The following GABRG3 variants were observed in gnomAD, a reference collection of about 807,000 sequenced individuals.
GABRG3 encodes the protein gamma-aminobutyric acid receptor subunit gamma-3.
A neutral mutation model predicts 48.8 loss-of-function variants in GABRG3; 25 were observed. That is an observed-to-expected ratio of 0.51 (90% confidence interval 0.37 to 0.72). The LOEUF (loss-of-function observed/expected upper bound fraction) is 0.72, where lower values mean the gene tolerates loss of function less well. GABRG3 is among the 30% of genes least tolerant of loss of function. The pLI, the probability that GABRG3 is intolerant of heterozygous loss-of-function variation, is 0.00. For missense variants in GABRG3, 394 were observed against 577.9 expected, an observed-to-expected ratio of 0.68 and a Z score of 3.26; for synonymous variants, 227 against 217.6, an observed-to-expected ratio of 1.04 and a Z score of -0.38.
At chr15:27,272,553 T>C (rs1891125423) in intron 3 of GABRG3, among the ~76,000 whole-genome samples, 1 of 152,184 alleles carries the variant, frequency 6.6e-6, no homozygotes, top group South Asian at 2.1e-4. Flanking sequence ...AGTGTTTTTG[T>C]ATTTTTTTGA....
intron 2 of GABRG3, among the ~76,000 whole-genome samples, chr15:27,014,317 T>G (rs2140669440): frequency 6.6e-6 from 1 of 152,066 alleles, no homozygotes; most frequent in East Asian, 1.9e-4. Context: ...CAATTTGTAT[T>G]ATTTGCTTTC....
chr15:27,335,405 T>C (rs758294904), intron 5 of GABRG3, among the ~76,000 whole-genome samples: 2 of 152,256 alleles, frequency 1.3e-5, no homozygotes, highest in Non-Finnish European at 2.9e-5. Context: ...ACACTTGTTA[T>C]CTTTTCCCTT....
At chr15:27,470,538 T>A (rs955338569) in intron 5 of GABRG3, among the ~76,000 whole-genome samples, 44 of 151,964 alleles carry the variant, frequency 2.9e-4, no homozygotes, top group African/African-American at 8.9e-4. Context: ...TTTTTTTTTT[T>A]TTATTGGCTT....
At chr15:27,068,755 T>G (rs1273926849) in intron 3 of GABRG3, among the ~76,000 whole-genome samples, 3 of 152,182 alleles carry the variant, frequency 2.0e-5, no homozygotes, top group African/African-American at 7.2e-5. Flanking sequence ...GCAGTGCAGT[T>G]GCAAAGAGAA....
chr15:27,029,100 T>A (rs1438650236), intron 3 of GABRG3, among the ~76,000 whole-genome samples: 1 of 152,196 alleles, frequency 6.6e-6, no homozygotes, highest in East Asian at 1.9e-4. Flanking sequence ...TTCTATTAAC[T>A]CTCTCATTTG....
chr15:27,285,373 T>C (rs1891577787), intron 3 of GABRG3, among the ~76,000 whole-genome samples: 1 of 151,806 alleles, frequency 6.6e-6, no homozygotes, highest in South Asian at 2.1e-4. Flanking sequence ...GGACCAGCTC[T>C]CTGCCCAAGG....
At chr15:27,211,234 C>T (rs1378094) in intron 3 of GABRG3, among the ~76,000 whole-genome samples, 7,219 of 152,216 alleles carry the variant, frequency 0.047, 223 homozygotes, top group South Asian at 0.076. Context: ...CACTCTGTTG[C>T]TAGATCACAG....
intron 3 of GABRG3, among the ~76,000 whole-genome samples, chr15:27,247,895 C>T (rs892930046): frequency 2.6e-5 from 4 of 152,138 alleles, no homozygotes; most frequent in Non-Finnish European, 5.9e-5. Flanking sequence ...CCACTGGGTC[C>T]CTTTCACAAC....
chr15:27,138,417 C>CT (rs1898046610), intron 3 of GABRG3, among the ~76,000 whole-genome samples: 1 of 152,328 alleles, frequency 6.6e-6, no homozygotes, highest in Admixed American at 6.5e-5. Context: ...TCATCAAACT[C>CT]TGTTTTTCCT....
At chr15:27,436,390 G>A (rs1480979129) in intron 5 of GABRG3, among the ~76,000 whole-genome samples, 2 of 152,210 alleles carry the variant, frequency 1.3e-5, no homozygotes. Context: ...ATGAATTTTG[G>A]AGGGATGCAA....
chr15:27,323,173 T>C (rs373971607), intron 3 of GABRG3, among the ~76,000 whole-genome samples: 1 of 152,208 alleles, frequency 6.6e-6, no homozygotes, highest in East Asian at 1.9e-4. Flanking sequence ...AAAGGCTCAT[T>C]CAGAAATTGT....
rs570105475 is a variant in GABRG3, at chr15:27,350,591, C to T, written c.574+21703C>T. Among the ~76,000 whole-genome samples, 170 of 152,260 alleles carry T rather than the reference C, an allele frequency of 1.1e-3. 1 individual carries two copies. The highest frequency in any genetic ancestry group is 1.7e-3 in the East Asian group (9 of 5,154). On this transcript the variant is annotated intron_variant, in intron 5 of 9. Coordinates refer to ENST00000615808, the MANE Select transcript of GABRG3 (RefSeq NM_033223.5). ...GTGTGTGGAAACCCCCTCCTCTCTACGTCCAGGGAGTCTGGAGGGAGTCTG... is the reference window on the plus strand; with the variant it reads ...GTGTGTGGAAACCCCCTCCTCTCTATGTCCAGGGAGTCTGGAGGGAGTCTG...
chr15:27,175,785 TA>T (rs1329195238), intron 3 of GABRG3, among the ~76,000 whole-genome samples: 2 of 152,242 alleles, frequency 1.3e-5, no homozygotes, highest in African/African-American at 4.8e-5. Context: ...ACTTTTGTGC[TA>T]AGAATAATTT....
At position 27,256,376 on chromosome 15, in the gene GABRG3, G is replaced by A. The variant is rs559981938; in HGVS notation, c.271-70433G>A. 4.0e-5 allele frequency among the ~76,000 whole-genome samples: 6 copies of A among 151,334 alleles called. No individual in the cohort carries two copies. In the East Asian group the frequency reaches 1.2e-3, roughly 30 times the overall value. On this transcript the variant is annotated intron_variant, in intron 3 of 9. Coordinates refer to ENST00000615808, the MANE Select transcript of GABRG3 (RefSeq NM_033223.5). Reference sequence around the variant, plus strand: ...GAATGGCGTGAACCCGGGAGGCAGTGCTTGCAGTGAGCCGAGATGGCGCCA... The same window carrying A: ...GAATGGCGTGAACCCGGGAGGCAGTACTTGCAGTGAGCCGAGATGGCGCCA...
chr15:27,214,355 G>A (rs35770807), intron 3 of GABRG3, among the ~76,000 whole-genome samples: 46,189 of 152,154 alleles, frequency 0.3, 7,331 homozygotes, highest in East Asian at 0.4. Context: ...TGATGGCCGC[G>A]TCGGGTATGC....
At chr15:27,220,450 C>G (rs1158538544) in intron 3 of GABRG3, among the ~76,000 whole-genome samples, 1 of 152,058 alleles carries the variant, frequency 6.6e-6, no homozygotes, top group Non-Finnish European at 1.5e-5. Context: ...TATGCGGGGC[C>G]AGATTAGCAA....
intron 5 of GABRG3, among the ~76,000 whole-genome samples, chr15:27,353,094 C>T (rs961756635): frequency 6.6e-6 from 1 of 152,122 alleles, no homozygotes; most frequent in African/African-American, 2.4e-5. Flanking sequence ...TTTTTCCTTC[C>T]CTCCCTCACT....
At chr15:27,496,245 G>A (rs1453326383) in intron 6 of GABRG3, among the ~76,000 whole-genome samples, 2 of 151,830 alleles carry the variant, frequency 1.3e-5, no homozygotes, top group African/African-American at 4.8e-5. Context: ...GGAGTTGGGG[G>A]ATCACATTAC....
intron 5 of GABRG3, chr15:27,422,537 T>C (rs1953140428): frequency 6.6e-6 from 1 of 152,074 alleles, no homozygotes; most frequent in African/African-American, 2.4e-5. Flanking sequence ...AAGACATCCA[T>C]GGGAGTGGGC....
Sources: allele counts gnomAD v4.1 joint callset (sites outside exome capture counted in the v4.1 genomes callset), GRCh38; gene constraint gnomAD v4.1.1; transcripts MANE v1.5; gene names NCBI Gene and HGNC (gene_info 2026-07-23, HGNC 2026-07-21).